PRX: variants seen among roughly 807,000 people sequenced by gnomAD.
The protein encoded by PRX is periaxin.
Under a neutral mutation model 29.6 loss-of-function variants are expected in PRX, and 24 were observed. The observed-to-expected ratio is 0.81, with a 90% confidence interval of 0.59 to 1.14. The LOEUF is 1.14. PRX is among the 50% of genes most tolerant of loss of function. PRX has a pLI of 0.00. For synonymous variants in PRX, 772 were observed against 831.7 expected (o/e 0.93, Z 1.24); for missense variants, 1,838 against 1,926.4 (o/e 0.95, Z 0.86).
At position 40,395,925 on chromosome 19, in the gene PRX, T is replaced by C. The variant is rs2079430171; in HGVS notation, c.2427A>G (p.Leu809=). The change falls in exon 7 of 7, where the codon CTA becomes CTG. Residue 809 remains leucine (L), a synonymous_variant. Coordinates refer to ENST00000324001, the MANE Select transcript of PRX (RefSeq NM_181882.3). ...FKMPKMTMPK[L]GRAESPSRGK... ...CACGTGATGGGGACTCTGCCCTCCC[T>C]AGCTTGGGCATGGTCATCTTGGGCA... 1 of 1,614,052 alleles carries C rather than the reference T, an allele frequency of 6.2e-7. No homozygotes were observed. Among genetic ancestry groups the C allele is most frequent in the Admixed American group, 1.7e-5 (1 of 60,002 alleles).
rs1480668637 is a variant in PRX at position 40,407,972 on chromosome 19, C to T, written c.-40G>A. 2 of 1,613,398 alleles carry T rather than the reference C, an allele frequency of 1.2e-6. No homozygotes were observed. The highest frequency in any genetic ancestry group is 1.7e-6 in the Non-Finnish European group (2 of 1,179,970). ...GCACCTGCACCCCAGGCTCCTGTGT[C>T]CTCTCCCCTTTCTGCTGCAGAACCA... On this transcript the variant is annotated 5_prime_UTR_variant, in exon 4 of 7. Transcript: ENST00000324001.
At chr19:40,406,411 T>C (rs939467926) in intron 4 of PRX, among the ~76,000 whole-genome samples, 2 of 152,056 alleles carry the variant, frequency 1.3e-5, no homozygotes, top group African/African-American at 4.8e-5. Context: ...CCCTATAGCC[T>C]TGGGCAGTCA....
In PRX at chr19:40,397,178, GA is replaced by G. The variant is rs757771239; in HGVS notation, c.1173del (p.Arg392GlufsTer20). The G allele has an allele frequency of 3.1e-6, 5 of 1,613,826 alleles. No individual in the cohort carries two copies. In the African/African-American group the frequency reaches 6.7e-5, roughly 22 times the overall value. On this transcript the variant is annotated frameshift_variant, in exon 7 of 7. Transcript: ENST00000324001. LOFTEE classifies it low-confidence loss of function (END_TRUNC). ...SPEARVKGPR[L>X]RMPTFGLSLL... ...AGGGAAAGCCCAAAGGTGGGCATTC[GA>G]AGTCTGGGACCTTTCACCCTGGCCT...
chr19:40,409,387 G>A (rs998760431), intron 1 of PRX, among the ~76,000 whole-genome samples: 10 of 151,920 alleles, frequency 6.6e-5, no homozygotes, highest in East Asian at 3.9e-4. Flanking sequence ...GGGCTGTTCC[G>A]AGGCTCAAAT....
In PRX at chr19:40,398,146, G is replaced by C; in HGVS notation, c.382-176C>G. The C allele has an allele frequency of 7.0e-7, 1 of 1,433,778 alleles. No homozygotes were observed. Among genetic ancestry groups the C allele is most frequent in the Non-Finnish European group, 9.1e-7 (1 of 1,098,440 alleles). 88.8% of individuals were successfully genotyped at this position (1,433,778 alleles called of 1,614,324 possible). On this transcript the variant is annotated intron_variant, in intron 6 of 6. Coordinates refer to ENST00000324001, the MANE Select transcript of PRX (RefSeq NM_181882.3). The surrounding 1 kb of genome is among the most constrained non-coding windows in gnomAD (Gnocchi z 6.3). Reference sequence around the variant, plus strand: ...TTCACCATGAGTGCCCAGGAAAGCAGGCAGCCATCTAGGATCTCCAAATGA... The same window carrying C: ...TTCACCATGAGTGCCCAGGAAAGCACGCAGCCATCTAGGATCTCCAAATGA...
intron 1 of PRX, among the ~76,000 whole-genome samples, chr19:40,410,473 C>A (rs1004248834): frequency 2.6e-5 from 4 of 152,308 alleles, no homozygotes; most frequent in African/African-American, 9.6e-5. Context: ...TGTAAGAGGG[C>A]TTCTCTCTGC....
Position 40,394,201 on chromosome 19 carries a change from G to T in PRX, c.4151C>A (p.Ala1384Glu). 1 of 1,591,000 alleles carries T rather than the reference G, an allele frequency of 6.3e-7. No individual in the cohort carries two copies. The highest frequency in any genetic ancestry group is 8.6e-7 in the Non-Finnish European group (1 of 1,165,252). Residue 1384 changes from alanine to glutamate, a missense_variant, in exon 7 of 7, where the codon GCG becomes GAG. By Grantham distance (107) the Ala-to-Glu change is moderately radical. Transcript: ENST00000324001. This position sits in a 1 kb window ranked among gnomAD's most constrained non-coding sequence, Gnocchi z 5.8. ...CCCCCGAGAGGCTTTAGAAGGGGCC[G>T]CCAGGCCTACACGTGGCAAGCGGAC... ...VRVRLPRVGL[A>E]APSKASRGQE... is the part of the protein sequence containing the mutation.
chr19:40,395,285 G>A lies in PRX; in HGVS notation c.3067C>T (p.Leu1023Phe), dbSNP rs954851586. 2 of 1,613,698 alleles carry A rather than the reference G, an allele frequency of 1.2e-6. No homozygotes were observed. The highest frequency in any genetic ancestry group is 1.7e-6 in the Non-Finnish European group (2 of 1,180,020). ...CGGCCTCTGACCCCAAACTTGGGGA[G>A]AGCAAACCTGGGCCCCTTGAACTTG... The part of the protein sequence containing the change: ...DLKFKGPRFA[L>F]PKFGVRGRDT... The change falls in exon 7 of 7, where the codon CTC becomes TTC. Residue 1023 changes from leucine to phenylalanine, a missense_variant. This residue lies in a region of PRX where 1,143 missense variants were observed against 1,193.0 expected (regional missense o/e 0.96). Transcript: ENST00000324001.
At position 40,395,099 on chromosome 19, in the gene PRX, C is replaced by A; in HGVS notation, c.3253G>T (p.Glu1085Ter). Residue 1085 changes from glutamate to a stop codon, truncating the protein, a stop_gained, in exon 7 of 7, where the codon GAA becomes TAA. Transcript: ENST00000324001. LOFTEE classifies it low-confidence loss of function (END_TRUNC). ...EVQGDRASPG[E>*]KAESTAVQLK... ...TGCACAGCGGTGGACTCAGCCTTTT[C>A]CCCCGGGCTGGCACGATCACCTTGA... 6.2e-7 allele frequency: 1 copy of A among 1,613,774 alleles called. No individual in the cohort carries two copies. The highest frequency in any genetic ancestry group is 1.1e-5 in the South Asian group (1 of 91,078).
Position 40,395,132 on chromosome 19 carries a change from C to T in PRX, c.3220G>A (p.Ala1074Thr), listed in dbSNP as rs886054436. Residue 1074 changes from alanine (A) to threonine (T), a missense_variant, in exon 7 of 7, where the codon GCA becomes ACA. This residue lies in a region of PRX where 1,143 missense variants were observed against 1,193.0 expected (regional missense o/e 0.96). Coordinates refer to ENST00000324001, the MANE Select transcript of PRX (RefSeq NM_181882.3). ...CTGGCACGATCACCTTGAACTTCTG[C>T]TTCCTTCCCTCGAGCCAGCCCAAAG... ...PSFGLARGKE[A>T]EVQGDRASPG... 6.2e-7 allele frequency: 1 copy of T among 1,614,026 alleles called. No individual in the cohort carries two copies. Among genetic ancestry groups the T allele is most frequent in the Non-Finnish European group, 8.5e-7 (1 of 1,180,036 alleles).
chr19:40,401,198 C>T (rs1162481036), intron 5 of PRX, among the ~76,000 whole-genome samples: 1 of 152,202 alleles, frequency 6.6e-6, no homozygotes, highest in African/African-American at 2.4e-5. Flanking sequence ...ACCCTTTGGT[C>T]CTGAGCATCC....
rs753980879 is a variant in PRX at position 40,396,339 on chromosome 19, A to G, written c.2013T>C (p.Pro671=). The part of the protein sequence containing the change: ...KVPEMKLPKM[P]EMAVPEVRLP... ...GTCGAACCTCTGGCACAGCCATCTC[A>G]GGCATTTTAGGGAGTTTCATCTCTG... Residue 671 remains proline, a synonymous_variant, in exon 7 of 7, where the codon CCT becomes CCC. Transcript: ENST00000324001. 6.3e-7 allele frequency: 1 copy of G among 1,584,486 alleles called. No individual in the cohort carries two copies. The highest frequency in any genetic ancestry group is 2.3e-5 in the East Asian group (1 of 43,592).
chr19:40,403,962 T>TAAAC, intron 4 of PRX, 100 bp from the exon 5 acceptor site: 1 of 1,314,944 alleles, frequency 7.6e-7, no homozygotes, highest in Non-Finnish European at 1.0e-6. Context: ...TATATATGTT[T>TAAAC]ATATATATTT....
chr19:40,397,791 G>A lies in PRX; in HGVS notation c.561C>T (p.Arg187=). The change falls in exon 7 of 7, where the codon CGC becomes CGT. Residue 187 remains arginine (R), a synonymous_variant. Coordinates refer to ENST00000324001, the MANE Select transcript of PRX (RefSeq NM_181882.3). ...GPVPAAPARR[R]LQLPRLRVRE... is the part of the protein sequence containing the mutation. ...GTACACGCAGCCGAGGCAGCTGGAG[G>A]CGCCGGCGGGCAGGGGCAGCCGGGA... The A allele has an allele frequency of 1.3e-6, 2 of 1,574,734 alleles. No individual in the cohort carries two copies. Among genetic ancestry groups the A allele is most frequent in the Non-Finnish European group, 1.7e-6 (2 of 1,160,698 alleles).
Position 40,398,502 on chromosome 19 carries a change from TG to T in PRX, c.381+117del. The T allele has an allele frequency of 6.4e-7, 1 of 1,561,650 alleles. No individual in the cohort carries two copies. Among genetic ancestry groups the T allele is most frequent in the Non-Finnish European group, 8.6e-7 (1 of 1,156,388 alleles). On this transcript the variant is annotated intron_variant, in intron 6 of 6. Transcript: ENST00000324001. The surrounding 1 kb of genome is among the most constrained non-coding windows in gnomAD (Gnocchi z 6.3). ...GAAGGGGCAGAGGGTGGAATTAGCT[TG>T]GGTTAGTGACAAGACAGAGGGCAAG...
intron 5 of PRX, among the ~76,000 whole-genome samples, chr19:40,399,931 G>C (rs1368704079): frequency 8.9e-6 from 1 of 112,916 alleles, no homozygotes; most frequent in Non-Finnish European, 1.9e-5. Flanking sequence ...CTTTCACCCA[G>C]CTTTCTTTCC....
intron 5 of PRX, among the ~76,000 whole-genome samples, chr19:40,401,176 T>C (rs1370550740): frequency 6.6e-6 from 1 of 152,214 alleles, no homozygotes; most frequent in Non-Finnish European, 1.5e-5. Context: ...CAAATATATA[T>C]ATACCTCCAA....
At position 40,398,776 on chromosome 19, in the gene PRX, G is replaced by A. The variant is rs777248476; in HGVS notation, c.225C>T (p.Phe75=). ...LLSARVFFEN[F]KYEDALRLLQ... ...GCAGGCGTAGTGCGTCCTCGTACTT[G>A]AAGTTCTCGAAGAACACTCGGGCAC... The change falls in exon 6 of 7, where the codon TTC becomes TTT. Residue 75 remains phenylalanine (F), a synonymous_variant. Coordinates refer to ENST00000324001, the MANE Select transcript of PRX (RefSeq NM_181882.3). The surrounding 1 kb of genome is among the most constrained non-coding windows in gnomAD (Gnocchi z 6.3). 2.3e-5 allele frequency: 37 copies of A among 1,614,090 alleles called. No individual in the cohort carries two copies. Among genetic ancestry groups the A allele is most frequent in the Non-Finnish European group, 3.1e-5 (36 of 1,179,970 alleles).
At chr19:40,407,777 C>T (rs2079538749) in intron 4 of PRX, 129 bp downstream of exon 4, 5 of 1,319,242 alleles carry the variant, frequency 3.8e-6, no homozygotes, top group Non-Finnish European at 5.4e-6. Flanking sequence ...AAAATAGACC[C>T]TGTTATTATT....
Sources: allele counts gnomAD v4.1 joint callset (sites outside exome capture counted in the v4.1 genomes callset), GRCh38; gene constraint gnomAD v4.1.1; regional missense constraint gnomAD v4.1.1; non-coding constraint Gnocchi (gnomAD v3.1); transcripts MANE v1.5; gene names NCBI Gene and HGNC (gene_info 2026-07-23, HGNC 2026-07-21).